PIEZO2: variants seen among roughly 807,000 people sequenced by gnomAD.
PIEZO2 encodes the protein piezo-type mechanosensitive ion channel component 2.
In PIEZO2, 172 loss-of-function variants were observed where a neutral mutation model predicts 337.3. That is an observed-to-expected ratio of 0.51 (90% CI 0.45 to 0.58). PIEZO2 has a LOEUF of 0.58. PIEZO2 is among the 20% of genes least tolerant of loss of function. PIEZO2 has a pLI of 0.00. For missense variants in PIEZO2, 3,028 were observed against 3,391.3 expected (o/e 0.89, Z 2.66); for synonymous variants, 1,251 against 1,228.5 (o/e 1.02, Z -0.38).
chr18:10,748,110 G>A lies in PIEZO2; in HGVS notation c.4424+361C>T, dbSNP rs1453505085. On this transcript the variant is annotated intron_variant, in intron 30 of 55. Transcript: ENST00000674853. The surrounding 1 kb of genome is among the most constrained non-coding windows in gnomAD (Gnocchi z 5.1). ...AGAGAAGAAAAGCAGGTTAGTAGGG[G>A]GAGGTAGGTGTAAGATGGACTAAAC... is the stretch of plus-strand genomic sequence containing the variant. Among the ~76,000 whole-genome samples the A allele has an allele frequency of 6.6e-6, 1 of 152,200 alleles. No homozygotes were observed. The highest frequency in any genetic ancestry group is 1.5e-5 in the Non-Finnish European group (1 of 68,032).
Position 10,850,077 on chromosome 18 carries a change from C to A in PIEZO2, c.917+5276G>T, listed in dbSNP as rs1418757773. ...TAACCTCCCCTAAGTACACCTATCT[C>A]TGTCACATAATAAGTCCTACATTTT... is the stretch of plus-strand genomic sequence containing the variant. On this transcript the variant is annotated intron_variant, in intron 7 of 55. Transcript: ENST00000674853. This position sits in a 1 kb window ranked among gnomAD's most constrained non-coding sequence, Gnocchi z 4.5. 6.6e-6 allele frequency among the ~76,000 whole-genome samples: 1 copy of A among 152,198 alleles called. No individual in the cohort carries two copies. Among genetic ancestry groups the A allele is most frequent in the South Asian group, 2.1e-4 (1 of 4,834 alleles).
At chr18:11,036,702 T>C (rs2145788102) in intron 2 of PIEZO2, among the ~76,000 whole-genome samples, 1 of 152,210 alleles carries the variant, frequency 6.6e-6, no homozygotes, top group South Asian at 2.1e-4. Flanking sequence ...TCTACTGAGT[T>C]TGTGTTATGC....
rs995269393 is a variant in PIEZO2, at chr18:10,855,523, T to A, written c.747A>T (p.Val249=). 2.6e-6 allele frequency: 4 copies of A among 1,536,450 alleles called. No individual in the cohort carries two copies. Among genetic ancestry groups the A allele is most frequent in the Non-Finnish European group, 3.5e-6 (4 of 1,146,778 alleles). Reference sequence around the variant, plus strand: ...ACCACCAGGTGCACAGACCCAAAAATACAAAAAAATACACAGATGATGTCA... The same window carrying A: ...ACCACCAGGTGCACAGACCCAAAAAAACAAAAAAATACACAGATGATGTCA... ...PSLTSSVYFF[V]FLGLCTWWSW... Residue 249 remains valine, a synonymous_variant, in exon 7 of 56, where the codon GTA becomes GTT. Transcript: ENST00000674853. The surrounding 1 kb of genome is among the most constrained non-coding windows in gnomAD (Gnocchi z 4.9).
chr18:10,832,393 C>T (rs2040870760), intron 7 of PIEZO2, among the ~76,000 whole-genome samples: 1 of 152,162 alleles, frequency 6.6e-6, no homozygotes, highest in Non-Finnish European at 1.5e-5. Context: ...GTATCTTATT[C>T]ATTTGATGGA....
At chr18:10,941,786 T>G (rs113538117) in intron 3 of PIEZO2, among the ~76,000 whole-genome samples, 49 of 152,256 alleles carry the variant, frequency 3.2e-4, no homozygotes, top group African/African-American at 1.2e-3. Context: ...AAGGTTGAAA[T>G]GTAAATAGGA....
chr18:10,781,621 C>T lies in PIEZO2; in HGVS notation c.2493-1255G>A, dbSNP rs1406659532. Among the ~76,000 whole-genome samples the T allele has an allele frequency of 1.3e-5, 2 of 151,884 alleles. No homozygotes were observed. On this transcript the variant is annotated intron_variant, in intron 17 of 55. Transcript: ENST00000674853. The surrounding 1 kb of genome is among the most constrained non-coding windows in gnomAD (Gnocchi z 4.1). ...GGTGAAATAATATTCCTGAGATTGC[C>T]TCCTTAGGAATAATAATTTCTTCCT... is the stretch of plus-strand genomic sequence containing the variant.
chr18:10,686,409 A>G (rs750659168), intron 49 of PIEZO2, among the ~76,000 whole-genome samples: 3 of 152,246 alleles, frequency 2.0e-5, no homozygotes, highest in Non-Finnish European at 2.9e-5. Flanking sequence ...AAGAACCAGT[A>G]GCTTAAGCTC....
At chr18:10,762,417 G>A (rs1157677158) in intron 23 of PIEZO2, 83 bp downstream of exon 23, 16 of 1,447,428 alleles carry the variant, frequency 1.1e-5, no homozygotes, top group South Asian at 4.0e-5. Flanking sequence ...TATCAAATGT[G>A]ATGTTAAGCG....
chr18:10,940,635 G>A lies in PIEZO2; in HGVS notation c.287-29407C>T, dbSNP rs368921429. ...TCCCAACACTTCGAGAGGCCCAGGC[G>A]GGCGGCTCACAAGGCCAAGTGATTG... On this transcript the variant is annotated intron_variant, in intron 3 of 55. Transcript: ENST00000674853. This position sits in a 1 kb window ranked among gnomAD's most constrained non-coding sequence, Gnocchi z 5.3. 4.6e-5 allele frequency among the ~76,000 whole-genome samples: 7 copies of A among 152,302 alleles called. No homozygotes were observed. Among genetic ancestry groups the A allele is most frequent in the South Asian group, 2.1e-4 (1 of 4,826 alleles).
rs1282180047 is a variant in PIEZO2, at chr18:11,127,786, C to CGT, written c.64+20737_64+20738dup. 1.7e-3 allele frequency among the ~76,000 whole-genome samples: 156 copies of CGT among 89,654 alleles called. 1 individual carries two copies. The highest frequency in any genetic ancestry group is 0.011 in the Middle Eastern group (2 of 182). 58.8% of individuals were successfully genotyped at this position (89,654 alleles called of 152,430 possible). ...GGTATATATGATATATATGCATATACGTGTGTGTGTGTGTGCATGTGTGTG... is the reference window on the plus strand; with the variant it reads ...GGTATATATGATATATATGCATATACGTGTGTGTGTGTGTGTGCATGTGTGTG... On this transcript the variant is annotated intron_variant, in intron 1 of 55. Coordinates refer to ENST00000674853, the MANE Select transcript of PIEZO2 (RefSeq NM_001378183.1). The surrounding 1 kb of genome is among the most constrained non-coding windows in gnomAD (Gnocchi z 4.5).
chr18:11,077,636 C>T lies in PIEZO2; in HGVS notation c.65-11414G>A, dbSNP rs1282307377. On this transcript the variant is annotated intron_variant, in intron 1 of 55. Coordinates refer to ENST00000674853, the MANE Select transcript of PIEZO2 (RefSeq NM_001378183.1). The surrounding 1 kb of genome is among the most constrained non-coding windows in gnomAD (Gnocchi z 4.8). ...GCTGCAGTGAGCTGTGATCGCACCA[C>T]TGCACTCCAGCCTGTTTCAGAAGTT... 2.6e-5 allele frequency among the ~76,000 whole-genome samples: 4 copies of T among 152,194 alleles called. No individual in the cohort carries two copies. Among genetic ancestry groups the T allele is most frequent in the African/African-American group, 9.7e-5 (4 of 41,450 alleles).
intron 2 of PIEZO2, among the ~76,000 whole-genome samples, chr18:11,050,038 C>T (rs1026750638): frequency 6.6e-6 from 1 of 152,254 alleles, no homozygotes; most frequent in East Asian, 1.9e-4. Context: ...CTGAAACTCC[C>T]TCTGTCTGAC....
chr18:10,790,287 C>A (rs1222756572), intron 14 of PIEZO2, among the ~76,000 whole-genome samples: 1 of 152,086 alleles, frequency 6.6e-6, no homozygotes, highest in Non-Finnish European at 1.5e-5. Context: ...TATATATATG[C>A]CTGTATTCAT....
At chr18:11,045,294 T>C (rs1414984318) in intron 2 of PIEZO2, among the ~76,000 whole-genome samples, 3 of 27,802 alleles carry the variant, frequency 1.1e-4, no homozygotes, top group Non-Finnish European at 1.7e-4. Context: ...AGACTCCGTC[T>C]CAAAAAAAAA....
chr18:10,780,217 G>A, intron 18 of PIEZO2, 108 bp downstream of exon 18: 1 of 676,232 alleles, frequency 1.5e-6, no homozygotes, highest in Non-Finnish European at 2.7e-6. Context: ...CTGAAGACCA[G>A]TGTCCACTAT....
chr18:10,723,498 G>A (rs2036406617), intron 36 of PIEZO2, among the ~76,000 whole-genome samples: 1 of 152,188 alleles, frequency 6.6e-6, no homozygotes, highest in South Asian at 2.1e-4. Context: ...GTAGCTGGAG[G>A]AGGGTGGGTA....
intron 7 of PIEZO2, among the ~76,000 whole-genome samples, chr18:10,810,142 A>G (rs1003566090): frequency 3.3e-5 from 5 of 152,174 alleles, no homozygotes; most frequent in Non-Finnish European, 5.9e-5. Flanking sequence ...AATAAAATCT[A>G]ATAATGTTGA....
chr18:10,839,565 G>A (rs2041127370), intron 7 of PIEZO2, among the ~76,000 whole-genome samples: 1 of 152,180 alleles, frequency 6.6e-6, no homozygotes, highest in African/African-American at 2.4e-5. Flanking sequence ...ACCACTTCAT[G>A]TGCTGGCTGG....
Position 10,783,137 on chromosome 18 carries a change from GA to G in PIEZO2, c.2492+1646del, listed in dbSNP as rs983843087. 1.3e-5 allele frequency among the ~76,000 whole-genome samples: 2 copies of G among 151,578 alleles called. No homozygotes were observed. Among genetic ancestry groups the G allele is most frequent in the African/African-American group, 2.4e-5 (1 of 41,284 alleles). ...GCAAGAGAAGAAATGGCATTTGGAA[GA>G]AAAAAAAGATTTTTTTTTAAAAAAG... On this transcript the variant is annotated intron_variant, in intron 17 of 55. Coordinates refer to ENST00000674853, the MANE Select transcript of PIEZO2 (RefSeq NM_001378183.1). This position sits in a 1 kb window ranked among gnomAD's most constrained non-coding sequence, Gnocchi z 4.3.
Sources: allele counts gnomAD v4.1 joint callset (sites outside exome capture counted in the v4.1 genomes callset), GRCh38; gene constraint gnomAD v4.1.1; non-coding constraint Gnocchi (gnomAD v3.1); transcripts MANE v1.5; gene names NCBI Gene and HGNC (gene_info 2026-07-23, HGNC 2026-07-21).